Variants in COG5 observed in about 807,000 individuals in gnomAD.
The protein encoded by COG5 is component of oligomeric golgi complex 5, also known as conserved oligomeric Golgi complex subunit 5.
In COG5, 86 loss-of-function variants were observed where a neutral mutation model predicts 110.4. The ratio of observed to expected loss-of-function variants is 0.78; its 90% CI spans 0.65 to 0.93. The LOEUF (loss-of-function observed/expected upper bound fraction) is 0.93, where lower values mean the gene tolerates loss of function less well. Ranked by LOEUF, COG5 falls within the 40% of genes least tolerant of loss-of-function variation. The pLI is 0.00. For synonymous variants in COG5, 360 were observed against 334.6 expected, an observed-to-expected ratio of 1.08 and a Z score of -0.83; for missense variants, 1,077 against 987.0, an observed-to-expected ratio of 1.09 and a Z score of -1.22.
intron 6 of COG5, among the ~76,000 whole-genome samples, chr7:107,478,736 C>A (rs1169180964): frequency 1.3e-5 from 2 of 151,742 alleles, no homozygotes; most frequent in African/African-American, 4.8e-5. Flanking sequence ...GGATGTATAC[C>A]TGAAGATAAG....
At chr7:107,483,665 T>C (rs994689084) in intron 6 of COG5, among the ~76,000 whole-genome samples, 37 of 150,572 alleles carry the variant, frequency 2.5e-4, no homozygotes, top group African/African-American at 8.8e-4. Flanking sequence ...GATCGCACCA[T>C]TGCACTCCAG....
intron 5 of COG5, among the ~76,000 whole-genome samples, chr7:107,541,523 A>AATATATATATATATATATATATATATAT (rs1554460370): frequency 2.8e-4 from 16 of 56,980 alleles, no homozygotes; most frequent in East Asian, 1.0e-3. Flanking sequence ...AAAAAAAAAA[A>AATATATATATATATATATATATATATAT]ATATATATAT....
chr7:107,508,843 G>A (rs562573085), intron 6 of COG5, among the ~76,000 whole-genome samples: 11 of 152,172 alleles, frequency 7.2e-5, no homozygotes, highest in Non-Finnish European at 5.9e-5. Flanking sequence ...GGTCCTGTCT[G>A]TTAAAAGGAA....
intron 6 of COG5, chr7:107,472,706 T>C (rs1169193961): frequency 6.6e-6 from 1 of 151,974 alleles, no homozygotes. Context: ...ACCATTTGTG[T>C]TTCTGCAATA....
intron 11 of COG5, among the ~76,000 whole-genome samples, chr7:107,323,791 T>C (rs1809519655): frequency 6.6e-6 from 1 of 152,138 alleles, no homozygotes; most frequent in Admixed American, 6.6e-5. Flanking sequence ...TGAATAAAAA[T>C]TTAAATAGAA....
intron 7 of COG5, among the ~76,000 whole-genome samples, chr7:107,409,223 C>A (rs1347147769): frequency 1.2e-3 from 79 of 68,626 alleles, no homozygotes; most frequent in African/African-American, 5.6e-3. Context: ...CAAAAAGCAA[C>A]GTCAAGGAAA....
At chr7:107,229,288 A>AT (rs1800594895) in intron 19 of COG5, among the ~76,000 whole-genome samples, 1 of 152,154 alleles carries the variant, frequency 6.6e-6, no homozygotes, top group Non-Finnish European at 1.5e-5. Context: ...GTCTATACTA[A>AT]AAATACAAAA....
At position 107,474,921 on chromosome 7, in the gene COG5, A is replaced by C. The variant is rs754110010; in HGVS notation, c.538+52316T>G. ...ATGTAGTCTTTGGTGTAAGAACTTC[A>C]GTTTCTGTAATAATTGCCCTCCGGC... On this transcript the variant is annotated intron_variant, in intron 6 of 21. Transcript: ENST00000297135. The surrounding 1 kb of genome is among the most constrained non-coding windows in gnomAD (Gnocchi z 5.7). 2.3e-5 allele frequency: 37 copies of C among 1,612,992 alleles called. No individual in the cohort carries two copies. The highest frequency in any genetic ancestry group is 3.0e-5 in the Non-Finnish European group (35 of 1,179,488).
At chr7:107,357,674 T>G (rs1364127501) in intron 10 of COG5, among the ~76,000 whole-genome samples, 1 of 150,848 alleles carries the variant, frequency 6.6e-6, no homozygotes, top group African/African-American at 2.5e-5. Context: ...TCTCTCCTTC[T>G]CTCTCTTTCT....
intron 18 of COG5, among the ~76,000 whole-genome samples, chr7:107,234,052 G>A (rs566575653): frequency 1.3e-5 from 2 of 152,258 alleles, no homozygotes; most frequent in Admixed American, 6.5e-5. Flanking sequence ...TAGTGCCTCC[G>A]CCTGTCTTTT....
chr7:107,511,221 C>T (rs1213878046), intron 6 of COG5, among the ~76,000 whole-genome samples: 8 of 151,962 alleles, frequency 5.3e-5, no homozygotes, highest in Non-Finnish European at 8.8e-5. Flanking sequence ...ATATCACCAC[C>T]GATCCCACAG....
intron 8 of COG5, among the ~76,000 whole-genome samples, chr7:107,366,610 AAAGC>A (rs1405944587): frequency 6.6e-6 from 1 of 152,172 alleles, no homozygotes; most frequent in Non-Finnish European, 1.5e-5. Flanking sequence ...CAGTCAAGAA[AAAGC>A]AAGTCAGGTA....
At chr7:107,293,394 T>C (rs534410900) in intron 12 of COG5, among the ~76,000 whole-genome samples, 1 of 152,304 alleles carries the variant, frequency 6.6e-6, no homozygotes, top group East Asian at 1.9e-4. Context: ...AGCCCTGTGT[T>C]CTTGGCTACT....
chr7:107,492,097 T>A (rs1798005640), intron 6 of COG5, among the ~76,000 whole-genome samples: 1 of 151,948 alleles, frequency 6.6e-6, no homozygotes, highest in Admixed American at 6.6e-5. Context: ...ATAAAACGTC[T>A]TACAATTCTG....
intron 6 of COG5, among the ~76,000 whole-genome samples, chr7:107,520,631 A>C (rs1028406217): frequency 2.6e-5 from 4 of 152,196 alleles, no homozygotes; most frequent in Non-Finnish European, 5.9e-5. Flanking sequence ...ACCACAGCTC[A>C]AGGCAATAAG....
At chr7:107,218,838 G>C (rs1799702094) in intron 19 of COG5, among the ~76,000 whole-genome samples, 1 of 151,876 alleles carries the variant, frequency 6.6e-6, no homozygotes, top group South Asian at 2.1e-4. Flanking sequence ...CAAAAGCTGA[G>C]ACAATAAAAG....
chr7:107,408,857 A>G (rs1463547233), intron 7 of COG5, among the ~76,000 whole-genome samples: 1 of 152,216 alleles, frequency 6.6e-6, no homozygotes, highest in East Asian at 1.9e-4. Context: ...TATGTGCCCA[A>G]CTTGCCCAAT....
chr7:107,366,914 C>T (rs967678018), intron 8 of COG5, among the ~76,000 whole-genome samples: 21 of 151,948 alleles, frequency 1.4e-4, no homozygotes, highest in African/African-American at 5.1e-4. Flanking sequence ...GCATTCTGAC[C>T]AACATTCTAC....
At position 107,289,594 on chromosome 7, in the gene COG5, G is replaced by A. The variant is rs533008054; in HGVS notation, c.1314-5862C>T. 3.9e-5 allele frequency among the ~76,000 whole-genome samples: 6 copies of A among 152,116 alleles called. No individual in the cohort carries two copies. In the South Asian group the frequency reaches 1.2e-3, roughly 32 times the overall value. ...TGAATCGATATATATCAATTTGGGG[G>A]GCATTACCATCTTAACAAGGTCAAG... On this transcript the variant is annotated intron_variant, in intron 12 of 21. Transcript: ENST00000297135.
Sources: gnomAD v4.1 joint callset for allele counts (sites outside exome capture counted in the v4.1 genomes callset) on GRCh38, gnomAD v4.1.1 for gene constraint, Gnocchi (gnomAD v3.1) non-coding constraint, MANE v1.5 for transcripts, NCBI Gene and HGNC (gene_info 2026-07-23, HGNC 2026-07-21) for gene names.